TNFRSF10A: variants seen among roughly 807,000 people sequenced by gnomAD.
TNFRSF10A encodes tumor necrosis factor receptor superfamily member 10A.
Under a neutral mutation model 42.8 loss-of-function variants are expected in TNFRSF10A, and 44 were observed. The ratio of observed to expected loss-of-function variants is 1.03; its 90% confidence interval spans 0.81 to 1.32. The LOEUF (loss-of-function observed/expected upper bound fraction) is 1.32, where lower values mean the gene tolerates loss of function less well. TNFRSF10A is among the 40% of genes most tolerant of loss of function. The probability of loss-of-function intolerance (pLI) is 0.00; values close to 1 mark genes in which losing one functional copy is unlikely to be tolerated. For missense variants in TNFRSF10A, 680 were observed against 602.0 expected (o/e 1.13, Z -1.36); for synonymous variants, 259 against 234.2 (o/e 1.11, Z -0.97).
intron 8 of TNFRSF10A, 35 bp downstream of exon 8, chr8:23,199,231 C>G (rs1475728505): frequency 6.3e-7 from 1 of 1,594,000 alleles, no homozygotes; most frequent in African/African-American, 1.3e-5. Flanking sequence ...CACCCCCTGC[C>G]TACAAGGTCT....
At chr8:23,211,379 A>G (rs1442178177) in intron 2 of TNFRSF10A, among the ~76,000 whole-genome samples, 4 of 152,216 alleles carry the variant, frequency 2.6e-5, no homozygotes, top group African/African-American at 7.2e-5. Flanking sequence ...CAAACTACGA[A>G]ACATTATTTT....
intron 4 of TNFRSF10A, 75 bp from the exon 5 acceptor site, chr8:23,200,835 C>A (rs571132997): frequency 1.5e-6 from 2 of 1,363,610 alleles, no homozygotes; most frequent in Admixed American, 3.4e-5. Context: ...AGGAGCCACT[C>A]TCCCTGCCCA....
intron 2 of TNFRSF10A, among the ~76,000 whole-genome samples, chr8:23,210,373 A>T (rs1369127355): frequency 6.6e-6 from 1 of 152,122 alleles, no homozygotes; most frequent in Non-Finnish European, 1.5e-5. Context: ...AGCAAGTTGA[A>T]TCCACAAGCA....
intron 9 of TNFRSF10A, among the ~76,000 whole-genome samples, 158 bp downstream of exon 9, chr8:23,196,974 G>A (rs920486672): frequency 3.9e-5 from 6 of 152,118 alleles, no homozygotes; most frequent in African/African-American, 1.4e-4. Flanking sequence ...AGAAGAGATG[G>A]GAGAAGACAA....
intron 2 of TNFRSF10A, 49 bp downstream of exon 2, chr8:23,212,067 G>A (rs1461332375): frequency 2.0e-6 from 3 of 1,508,220 alleles, no homozygotes; most frequent in Non-Finnish European, 1.8e-6. Flanking sequence ...ATAGTATAGG[G>A]TAAGGAAAAG....
At chr8:23,205,517 C>T (rs1011749054) in intron 2 of TNFRSF10A, among the ~76,000 whole-genome samples, 4 of 151,968 alleles carry the variant, frequency 2.6e-5, no homozygotes, top group Non-Finnish European at 5.9e-5. Context: ...CTCCTACTTA[C>T]AAATAAAAAA....
At chr8:23,216,384 A>T (rs531285527) in intron 1 of TNFRSF10A, among the ~76,000 whole-genome samples, 1 of 152,258 alleles carries the variant, frequency 6.6e-6, no homozygotes, top group Non-Finnish European at 1.5e-5. Flanking sequence ...TTTCCTTTAA[A>T]TATATTTATA....
rs1800884456 is a variant in TNFRSF10A at position 23,199,995 on chromosome 8, G to A, written c.800-78C>T. The A allele has an allele frequency of 1.9e-6, 3 of 1,572,042 alleles. No homozygotes were observed. In the South Asian group the frequency reaches 3.3e-5, roughly 17 times the overall value. ...CCTTCTTAGAGGGCAGTGTTGGGCAGGGGTGGGCTGGGGGCTGGGACACTG... is the reference window on the plus strand; with the variant it reads ...CCTTCTTAGAGGGCAGTGTTGGGCAAGGGTGGGCTGGGGGCTGGGACACTG... On this transcript the variant is annotated intron_variant, in intron 6 of 9. Coordinates refer to ENST00000221132, the MANE Select transcript of TNFRSF10A (RefSeq NM_003844.4).
intron 9 of TNFRSF10A, among the ~76,000 whole-genome samples, chr8:23,192,386 C>T (rs1402662311): frequency 6.6e-6 from 1 of 152,216 alleles, no homozygotes; most frequent in East Asian, 1.9e-4. Flanking sequence ...CTGGGCTGCG[C>T]TTGTCATGGG....
chr8:23,198,989 G>C (rs573622971), intron 8 of TNFRSF10A, among the ~76,000 whole-genome samples: 1 of 152,340 alleles, frequency 6.6e-6, no homozygotes, highest in East Asian at 1.9e-4. Flanking sequence ...AGTGGAGACC[G>C]TGCAGCCTTA....
intron 2 of TNFRSF10A, among the ~76,000 whole-genome samples, chr8:23,205,158 T>C (rs1485495180): frequency 6.6e-6 from 1 of 152,100 alleles, no homozygotes; most frequent in Non-Finnish European, 1.5e-5. Flanking sequence ...TAGATCGATA[T>C]ATTGGCACAA....
chr8:23,209,587 G>C (rs934377538), intron 2 of TNFRSF10A, among the ~76,000 whole-genome samples: 4 of 152,232 alleles, frequency 2.6e-5, no homozygotes, highest in African/African-American at 9.6e-5. Context: ...AGTCAAACGA[G>C]ATCATTTTGG....
At chr8:23,216,924 T>C (rs1039076080) in intron 1 of TNFRSF10A, among the ~76,000 whole-genome samples, 15 of 152,340 alleles carry the variant, frequency 9.8e-5, no homozygotes, top group Non-Finnish European at 7.3e-5. Context: ...TAAATGTATT[T>C]AGATTTGTTT....
intron 2 of TNFRSF10A, among the ~76,000 whole-genome samples, chr8:23,208,629 T>C (rs1251257287): frequency 6.6e-6 from 1 of 152,074 alleles, no homozygotes; most frequent in African/African-American, 2.4e-5. Flanking sequence ...CTAATTTTTT[T>C]GTATTTTTAG....
chr8:23,210,772 A>C (rs11784996), intron 2 of TNFRSF10A, among the ~76,000 whole-genome samples: 4,531 of 152,302 alleles, frequency 0.03, 149 homozygotes, highest in African/African-American at 0.08. Context: ...TCAACATCCC[A>C]AAATAAATTG....
chr8:23,223,978 A>T (rs1283058114), intron 1 of TNFRSF10A, among the ~76,000 whole-genome samples: 2 of 152,162 alleles, frequency 1.3e-5, no homozygotes, highest in Non-Finnish European at 2.9e-5. Flanking sequence ...CGAGCAGAGG[A>T]GAGAAAGTTA....
chr8:23,195,064 C>T (rs566410147), intron 9 of TNFRSF10A, among the ~76,000 whole-genome samples: 14 of 152,254 alleles, frequency 9.2e-5, no homozygotes, highest in Admixed American at 2.0e-4. Context: ...GAGGCTGAGG[C>T]GTGAGAATTG....
chr8:23,201,385 A>G (rs564682772), intron 4 of TNFRSF10A, among the ~76,000 whole-genome samples: 12 of 152,342 alleles, frequency 7.9e-5, no homozygotes, highest in Admixed American at 3.9e-4. Flanking sequence ...CTTGAATTAA[A>G]AGCAAATATT....
Position 23,191,144 on chromosome 8 carries a change from G to C in TNFRSF10A, c.*550C>G, listed in dbSNP as rs1288124488. 6.5e-6 allele frequency: 1 copy of C among 153,362 alleles called. No homozygotes were observed. Among genetic ancestry groups the C allele is most frequent in the Non-Finnish European group, 1.4e-5 (1 of 69,054 alleles). 9.5% of individuals were successfully genotyped at this position (153,362 alleles called of 1,614,324 possible). Reference sequence around the variant, plus strand: ...CCTCGAAGACATGCCCAGAAATAATGTCCCAGAAATAATGCCTTACCAGTG... The same window carrying C: ...CCTCGAAGACATGCCCAGAAATAATCTCCCAGAAATAATGCCTTACCAGTG... On this transcript the variant is annotated 3_prime_UTR_variant, in exon 10 of 10. Transcript: ENST00000221132.
Sources: allele counts gnomAD v4.1 joint callset (sites outside exome capture counted in the v4.1 genomes callset), GRCh38; gene constraint gnomAD v4.1.1; transcripts MANE v1.5; gene names NCBI Gene and HGNC (gene_info 2026-07-23, HGNC 2026-07-21).